The following LOC131768270 variants were observed in gnomAD, a reference collection of about 807,000 sequenced individuals.
chr5:140,568,323 C>A, the LOC131768270 span: 2 of 963,190 alleles, frequency 2.1e-6, no homozygotes, highest in East Asian at 2.6e-5. Flanking sequence ...AAGGGGTACC[C>A]CTAGGAGATG....
the LOC131768270 span, chr5:140,568,804 T>G: frequency 6.0e-6 from 1 of 167,630 alleles, no homozygotes. Flanking sequence ...TCTCAGGGAA[T>G]GTAGCCCCTG....
At chr5:140,565,572 T>C in the LOC131768270 span, 1 of 203,262 alleles carries the variant, frequency 4.9e-6, no homozygotes, top group Non-Finnish European at 9.8e-6. Flanking sequence ...CTGATGGACC[T>C]AATTAAAGGT....
chr5:140,567,102 T>A, the LOC131768270 span: 22 of 1,611,392 alleles, frequency 1.4e-5, no homozygotes, highest in Non-Finnish European at 1.9e-5. Flanking sequence ...GCTGGCTCCA[T>A]AACTTGATTT....
At chr5:140,566,670 A>G in the LOC131768270 span, 1 of 505,018 alleles carries the variant, frequency 2.0e-6, no homozygotes, top group Non-Finnish European at 3.5e-6. Flanking sequence ...GGGCACCTGC[A>G]CTGGCATCTA....
chr5:140,565,109 A>G, the LOC131768270 span: 1 of 393,056 alleles, frequency 2.5e-6, no homozygotes, highest in Non-Finnish European at 4.5e-6. Context: ...GCACAGACTC[A>G]AAAACATTCA....
At chr5:140,564,888 G>A in the LOC131768270 span, 1 of 405,466 alleles carries the variant, frequency 2.5e-6, no homozygotes, top group Non-Finnish European at 4.4e-6. The surrounding 1 kb of genome is among the most constrained non-coding windows in gnomAD (Gnocchi z 5.0). Flanking sequence ...ATCTGCAGCC[G>A]GGCGTGGTCT....
At chr5:140,568,230 A>C in the LOC131768270 span, 2 of 1,594,896 alleles carry the variant, frequency 1.3e-6, no homozygotes, top group Non-Finnish European at 8.6e-7. Context: ...TCCCTCTCCC[A>C]TCAGCAGCCC....
the LOC131768270 span, chr5:140,567,083 T>G: frequency 6.3e-7 from 1 of 1,598,970 alleles, no homozygotes; most frequent in African/African-American, 1.3e-5. Flanking sequence ...CGGCTTCTCC[T>G]TCCTGGGAGC....
At chr5:140,567,839 C>T in the LOC131768270 span, 12 of 1,614,156 alleles carry the variant, frequency 7.4e-6, no homozygotes, top group Non-Finnish European at 1.0e-5. Flanking sequence ...GAACCTCTTC[C>T]TCTACACTTT....
At chr5:140,567,860 C>T in the LOC131768270 span, 1 of 1,614,198 alleles carries the variant, frequency 6.2e-7, no homozygotes, top group Non-Finnish European at 8.5e-7. Context: ...TGGTGTGCTT[C>T]TGAATCTAGG....
chr5:140,567,901 C>T, the LOC131768270 span: 3 of 1,614,218 alleles, frequency 1.9e-6, no homozygotes, highest in East Asian at 4.5e-5. Flanking sequence ...CTGGCCCAGG[C>T]CTCCTGGAAG....
the LOC131768270 span, chr5:140,567,436 C>T: frequency 1.4e-5 from 22 of 1,614,026 alleles, no homozygotes; most frequent in Middle Eastern, 3.3e-4. Flanking sequence ...CTGCTCCCTT[C>T]GCACTATCAG....
At chr5:140,569,051 A>G in the LOC131768270 span, 1 of 167,054 alleles carries the variant, frequency 6.0e-6, no homozygotes, top group Non-Finnish European at 1.5e-5. Context: ...AAGCAATAAG[A>G]TCTTAATAAA....
the LOC131768270 span, chr5:140,567,663 G>C: frequency 1.5e-5 from 24 of 1,613,902 alleles, no homozygotes; most frequent in Middle Eastern, 1.6e-4. Flanking sequence ...CAAGTTCCCG[G>C]GAACACCCTT....
chr5:140,566,994 C>T, the LOC131768270 span: 3 of 976,792 alleles, frequency 3.1e-6, no homozygotes, highest in Non-Finnish European at 4.7e-6. Context: ...CAAGGACCAC[C>T]AGCCCCTTAC....
At chr5:140,566,976 T>A in the LOC131768270 span, 1 of 834,996 alleles carries the variant, frequency 1.2e-6, no homozygotes, top group Non-Finnish European at 2.0e-6. Context: ...GCCCCAAGAC[T>A]GTGGCTTCAA....
chr5:140,565,259 T>C, the LOC131768270 span: 5 of 202,350 alleles, frequency 2.5e-5, no homozygotes, highest in East Asian at 1.1e-4. Context: ...TTCATACTTA[T>C]ATGCGATCAA....
At chr5:140,568,349 G>A in the LOC131768270 span, 4 of 787,676 alleles carry the variant, frequency 5.1e-6, no homozygotes, top group Non-Finnish European at 6.0e-6. Flanking sequence ...TGTGGGTTTG[G>A]TTAAGGAAAT....
chr5:140,568,359 T>G, the LOC131768270 span: 1 of 707,302 alleles, frequency 1.4e-6, no homozygotes, highest in Admixed American at 3.0e-5. Flanking sequence ...GTTAAGGAAA[T>G]GCTTACCATC....
Sources: allele counts gnomAD v4.1 joint callset, GRCh38; gene constraint gnomAD v4.1.1; non-coding constraint Gnocchi (gnomAD v3.1); transcripts MANE v1.5.